Variants in SYNPR observed in about 807,000 individuals in gnomAD.
SYNPR encodes the protein synaptoporin.
In SYNPR, 23 loss-of-function variants were observed where a neutral mutation model predicts 32.9. The ratio of observed to expected loss-of-function variants is 0.70; its 90% CI spans 0.50 to 0.99. The LOEUF (loss-of-function observed/expected upper bound fraction) is 0.99, where lower values mean the gene tolerates loss of function less well. Ranked by LOEUF, SYNPR falls within the 50% of genes least tolerant of loss-of-function variation. The probability of loss-of-function intolerance (pLI) is 0.00; values close to 1 mark genes in which losing one functional copy is unlikely to be tolerated. For synonymous variants in SYNPR, 146 were observed against 135.9 expected, an observed-to-expected ratio of 1.07 and a Z score of -0.52; for missense variants, 318 against 349.3, an observed-to-expected ratio of 0.91 and a Z score of 0.71.
chr3:63,508,252 A>T (rs1293674051), intron 3 of SYNPR, among the ~76,000 whole-genome samples: 1 of 152,014 alleles, frequency 6.6e-6, no homozygotes, highest in African/African-American at 2.4e-5. Flanking sequence ...TCATTCATTC[A>T]CCTACAAGAA....
intron 3 of SYNPR, among the ~76,000 whole-genome samples, chr3:63,519,390 G>T (rs557724052): frequency 2.6e-5 from 4 of 152,160 alleles, no homozygotes; most frequent in African/African-American, 9.7e-5. Context: ...ATTGTTAAAA[G>T]GATTAATAGA....
At chr3:63,353,267 GA>G (rs1163687670) in intron 2 of SYNPR, among the ~76,000 whole-genome samples, 1 of 152,196 alleles carries the variant, frequency 6.6e-6, no homozygotes, top group African/African-American at 2.4e-5. Flanking sequence ...AGTGTTACAG[GA>G]ATTCAGAGGA....
At chr3:63,216,755 A>C in the SYNPR span, among the ~76,000 whole-genome samples, 44 of 47,922 alleles carry the variant, frequency 9.2e-4, 10 homozygotes, top group East Asian at 0.011. Context: ...CTGGTGAGGA[A>C]CTGCGTTCCT....
intron 2 of SYNPR, among the ~76,000 whole-genome samples, chr3:63,340,655 G>A (rs1050519439): frequency 5.9e-5 from 9 of 151,758 alleles, no homozygotes; most frequent in Non-Finnish European, 1.3e-4. Flanking sequence ...TCCTGACCTC[G>A]TGATCTGCCC....
chr3:63,302,284 G>C (rs1043778204), intron 2 of SYNPR, among the ~76,000 whole-genome samples: 2 of 151,994 alleles, frequency 1.3e-5, no homozygotes, highest in African/African-American at 4.8e-5. Context: ...TTACAGCAGG[G>C]ATCCATTCCC....
upstream of SYNPR, among the ~76,000 whole-genome samples, chr3:63,276,688 G>C (rs1012347058): frequency 7.2e-6 from 1 of 138,314 alleles, no homozygotes; most frequent in Admixed American, 8.4e-5. Flanking sequence ...ATTGTTTTAG[G>C]CTCTATCTGC....
chr3:63,363,549 G>A (rs143778387), intron 2 of SYNPR, among the ~76,000 whole-genome samples: 36 of 152,274 alleles, frequency 2.4e-4, no homozygotes, highest in African/African-American at 8.2e-4. Context: ...GAAACACGTA[G>A]GTTTGGGTTG....
chr3:63,267,724 T>C (rs4416373), intron 3 of SYNPR, among the ~76,000 whole-genome samples: 118,268 of 152,088 alleles, frequency 0.78, 46,953 homozygotes, highest in Middle Eastern at 0.86. Flanking sequence ...GATTTAACTT[T>C]CAATCAGTTT....
intron 2 of SYNPR, among the ~76,000 whole-genome samples, chr3:63,399,335 G>C (rs2088258932): frequency 6.6e-6 from 1 of 152,218 alleles, no homozygotes; most frequent in African/African-American, 2.4e-5. Context: ...ACCTGGTACT[G>C]TGCCTGTATT....
intron 2 of SYNPR, among the ~76,000 whole-genome samples, chr3:63,395,455 T>C (rs1410581105): frequency 1.3e-5 from 2 of 152,232 alleles, no homozygotes; most frequent in African/African-American, 4.8e-5. Context: ...GTAATTGCTG[T>C]GTGCCAGGCA....
intron 3 of SYNPR, among the ~76,000 whole-genome samples, chr3:63,268,850 G>C (rs1285879645): frequency 6.6e-6 from 1 of 152,158 alleles, no homozygotes; most frequent in Admixed American, 6.5e-5. Context: ...GAATTATTTG[G>C]CACTGAAAGT....
intron 2 of SYNPR, among the ~76,000 whole-genome samples, chr3:63,454,162 GT>G (rs1413857752): frequency 6.6e-6 from 1 of 152,046 alleles, no homozygotes; most frequent in African/African-American, 2.4e-5. Context: ...GACAGAAAAT[GT>G]TAGATAGAAT....
At chr3:63,276,075 T>G (rs72878300), upstream of SYNPR, among the ~76,000 whole-genome samples, 5,997 of 152,298 alleles carry the variant, frequency 0.039, 374 homozygotes, top group African/African-American at 0.14. Context: ...GTTGCAGATC[T>G]GCCTATGTCA....
At chr3:63,523,929 G>A (rs1039768448) in intron 3 of SYNPR, among the ~76,000 whole-genome samples, 12 of 152,196 alleles carry the variant, frequency 7.9e-5, no homozygotes, top group African/African-American at 2.9e-4. Flanking sequence ...AGGACCCAGG[G>A]TATGTCATTC....
intron 1 of SYNPR, among the ~76,000 whole-genome samples, chr3:63,233,430 T>C (rs890543530): frequency 3.9e-5 from 6 of 152,208 alleles, no homozygotes; most frequent in Non-Finnish European, 8.8e-5. Context: ...CACAAGGCCC[T>C]CCATGGCCCA....
At chr3:63,258,563 T>C (rs2086408750) in intron 2 of SYNPR, among the ~76,000 whole-genome samples, 1 of 152,002 alleles carries the variant, frequency 6.6e-6, no homozygotes. Flanking sequence ...CTGGGGCATA[T>C]TCAAAGCAGT....
intron 2 of SYNPR, among the ~76,000 whole-genome samples, chr3:63,455,503 G>C (rs567928016): frequency 6.6e-6 from 1 of 151,970 alleles, no homozygotes; most frequent in Non-Finnish European, 1.5e-5. Flanking sequence ...ACTATGTTTG[G>C]AGTATGAAAT....
At chr3:63,438,819 G>C (rs762900146) in intron 2 of SYNPR, among the ~76,000 whole-genome samples, 2 of 152,224 alleles carry the variant, frequency 1.3e-5, no homozygotes, top group African/African-American at 4.8e-5. Context: ...GCTTGAAAGA[G>C]CTGAAATTGT....
chr3:63,490,092 T>C (rs917433659), intron 3 of SYNPR, among the ~76,000 whole-genome samples: 9 of 152,138 alleles, frequency 5.9e-5, no homozygotes, highest in Admixed American at 5.9e-4. Flanking sequence ...GGGGAAAACC[T>C]TGCTGGTGAA....
Sources: gnomAD v4.1 joint callset for allele counts (sites outside exome capture counted in the v4.1 genomes callset) on GRCh38, gnomAD v4.1.1 for gene constraint, MANE v1.5 for transcripts, NCBI Gene and HGNC (gene_info 2026-07-23, HGNC 2026-07-21) for gene names.